The following ACY1 variants were observed in gnomAD, a reference collection of about 807,000 sequenced individuals.
The protein encoded by ACY1 is aminoacylase 1.
A neutral mutation model predicts 53.3 loss-of-function variants in ACY1; 38 were observed. The observed-to-expected ratio is 0.71, with a 90% confidence interval of 0.55 to 0.93. The LOEUF is 0.93. ACY1 is among the 40% of genes least tolerant of loss of function. The probability of loss-of-function intolerance (pLI) is 0.00; values close to 1 mark genes in which losing one functional copy is unlikely to be tolerated. For missense variants in ACY1, 484 were observed against 540.9 expected (o/e 0.89, Z 1.04); for synonymous variants, 177 against 202.1 (o/e 0.88, Z 1.05).
rs1183708563 is a variant in ACY1, at chr3:51,986,965, GCCTT to G, written c.584-20_584-17del. ...TCCAGCCCCTCAGGCTGAAGACACTGCCTTCCCCCTACACCTCCCCAGGGGTGCG... is the reference window on the plus strand; with the variant it reads ...TCCAGCCCCTCAGGCTGAAGACACTGCCCCCTACACCTCCCCAGGGGTGCG... On this transcript the variant is annotated intron_variant, in intron 8 of 14. Coordinates refer to ENST00000636358, the MANE Select transcript of ACY1 (RefSeq NM_000666.3). 2 of 1,610,974 alleles carry G rather than the reference GCCTT, an allele frequency of 1.2e-6. No individual in the cohort carries two copies. The highest frequency in any genetic ancestry group is 2.2e-5 in the South Asian group (2 of 90,966).
At chr3:51,987,259 G>A in intron 10 of ACY1, 50 bp from the exon 11 acceptor site, 1 of 1,614,074 alleles carries the variant, frequency 6.2e-7, no homozygotes, top group Non-Finnish European at 8.5e-7. Context: ...GATAGAGTCT[G>A]AGCCACCTCT....
rs779032802 is a variant in ACY1 at position 51,988,826 on chromosome 3, G to A, written c.1062G>A (p.Ala354=). 3.2e-5 allele frequency: 52 copies of A among 1,614,028 alleles called. 1 individual carries two copies. The highest frequency in any genetic ancestry group is 9.9e-5 in the South Asian group (9 of 91,088). The change falls in exon 14 of 15, where the codon GCG becomes GCA. Residue 354 remains alanine, a splice_region_variant and synonymous_variant. Coordinates refer to ENST00000636358, the MANE Select transcript of ACY1 (RefSeq NM_000666.3). ...CCACTGACAACCGCTATATCCGCGC[G>A]GTGAGCCACTTGCATATAGTGCCTG... ...PAATDNRYIR[A]VGVPALGFSP...
intron 12 of ACY1, 169 bp from the exon 13 acceptor site, chr3:51,988,355 T>C: frequency 1.4e-6 from 1 of 699,630 alleles, no homozygotes; most frequent in East Asian, 2.7e-5. Flanking sequence ...ACCTAGGACA[T>C]TTGAGGGGCT....
At position 51,988,541 on chromosome 3, in the gene ACY1, A is replaced by C. The variant is rs758501745; in HGVS notation, c.939A>C (p.Gln313His). 3.1e-6 allele frequency: 5 copies of C among 1,614,010 alleles called. No individual in the cohort carries two copies. The African/African-American group carries it at 6.7e-5, about 22-fold the overall frequency. The change falls in exon 13 of 15, where the codon CAA becomes CAC. Residue 313 changes from glutamine (Q) to histidine (H), a missense_variant. By Grantham distance (24) the Gln-to-His change is conservative. Transcript: ENST00000636358. ...LEFAQKWMHP[Q>H]VTPTDDSNPW... ...TCCCTCAGAAGTGGATGCACCCCCA[A>C]GTGACACCTACTGATGACTCAAACC...
Position 51,984,131 on chromosome 3 carries a change from C to T in ACY1, c.67C>T (p.Arg23Cys), listed in dbSNP as rs767528877. The change falls in exon 2 of 15, where the codon CGC (arginine) becomes TGC (cysteine). Residue 23 changes from arginine to cysteine, a missense_variant. Coordinates refer to ENST00000636358, the MANE Select transcript of ACY1 (RefSeq NM_000666.3). ...GCTCTTCCGCCAGTACCTGCGTATC[C>T]GCACTGTCCAGCCCAAGCCTGACTA... ...VTLFRQYLRI[R>C]TVQPKPDYGA... 1.2e-6 allele frequency: 2 copies of T among 1,613,980 alleles called. No individual in the cohort carries two copies. The highest frequency in any genetic ancestry group is 2.2e-5 in the East Asian group (1 of 44,888).
In ACY1 at chr3:51,987,642, G is replaced by T; in HGVS notation, c.921+18G>T. ...TTGCTCAGGTATGGACTTGGGACAT[G>T]TGATGGGAGAGTGTGGGAGCCGGGG... On this transcript the variant is annotated intron_variant, in intron 12 of 14. Transcript: ENST00000636358. 6.2e-7 allele frequency: 1 copy of T among 1,612,682 alleles called. No homozygotes were observed. Among genetic ancestry groups the T allele is most frequent in the Non-Finnish European group, 8.5e-7 (1 of 1,179,070 alleles).
Position 51,985,469 on chromosome 3 carries a change from TGTAAG to T in ACY1, c.264+6_264+10del. 6.2e-7 allele frequency: 1 copy of T among 1,613,602 alleles called. No individual in the cohort carries two copies. The highest frequency in any genetic ancestry group is 8.5e-7 in the Non-Finnish European group (1 of 1,179,868). ...GGATGTGGTGCCTGTCTTCAAGGTG[TGTAAG>T]GGGCTGGGGAGGTGGGCAGTGCAGG... On this transcript the variant is annotated splice_donor_5th_base_variant and intron_variant, in intron 4 of 14. Transcript: ENST00000636358.
chr3:51,988,727 C>T (rs1701161965), intron 13 of ACY1, 39 bp from the exon 14 acceptor site: 1 of 1,612,126 alleles, frequency 6.2e-7, no homozygotes, highest in South Asian at 1.1e-5. Context: ...CAATTCTTCG[C>T]TTTCTCCCTC....
chr3:51,986,791 C>A, intron 8 of ACY1, 130 bp downstream of exon 8: 1 of 1,325,298 alleles, frequency 7.5e-7, no homozygotes, highest in Non-Finnish European at 1.1e-6. Flanking sequence ...CCTCTACCTC[C>A]CAGCTCTTTC....
chr3:51,988,918 T>A lies in ACY1; in HGVS notation c.1070T>A (p.Val357Asp). The A allele has an allele frequency of 6.2e-7, 1 of 1,613,886 alleles. No homozygotes were observed. The highest frequency in any genetic ancestry group is 8.5e-7 in the Non-Finnish European group (1 of 1,179,992). Residue 357 changes from valine (V) to aspartate (D), a missense_variant, in exon 15 of 15, where the codon GTC becomes GAC. Transcript: ENST00000636358. The stretch of plus-strand genomic sequence containing the variant: ...TCTTCCTCACCCCTGCAGGTGGGGG[T>A]CCCAGCTCTAGGCTTCTCACCCATG... ...TDNRYIRAVG[V>D]PALGFSPMNR... is the part of the protein sequence containing the mutation.
chr3:51,988,887 A>C, intron 14 of ACY1, 24 bp from the exon 15 acceptor site: 2 of 1,614,056 alleles, frequency 1.2e-6, no homozygotes, highest in South Asian at 2.2e-5. Flanking sequence ...GCTTTTCCCT[A>C]ACGGCTCTTC....
intron 2 of ACY1, chr3:51,984,840 GA>G (rs1221979628): frequency 3.8e-3 from 810 of 210,896 alleles, no homozygotes; most frequent in East Asian, 9.1e-3. Flanking sequence ...AAAAGGAAAA[GA>G]AAAAAAAAAA....
rs545489719 is a variant in ACY1, at chr3:51,985,876, G to A, written c.289G>A (p.Glu97Lys). The A allele has an allele frequency of 6.2e-7, 1 of 1,613,738 alleles. No homozygotes were observed. Among genetic ancestry groups the A allele is most frequent in the South Asian group, 1.1e-5 (1 of 90,922 alleles). The change falls in exon 5 of 15, where the codon GAG becomes AAG. Residue 97 changes from glutamate (E) to lysine (K), a missense_variant. Coordinates refer to ENST00000636358, the MANE Select transcript of ACY1 (RefSeq NM_000666.3). ...FKEHWSHDPFEAFKDSEGYIY... is the reference protein window; with the variant it reads ...FKEHWSHDPFKAFKDSEGYIY... ...GGAACATTGGAGTCACGACCCCTTTGAGGCCTTCAAGGATTCTGAGGGCTA... is the reference window on the plus strand; with the variant it reads ...GGAACATTGGAGTCACGACCCCTTTAAGGCCTTCAAGGATTCTGAGGGCTA...
chr3:51,988,561 C>G lies in ACY1; in HGVS notation c.959C>G (p.Ser320Ter). Residue 320 changes from serine to a stop codon, truncating the protein, a stop_gained, in exon 13 of 15, where the codon TCA (serine) becomes TGA (stop). Transcript: ENST00000636358. LOFTEE classifies it high-confidence loss of function. ...MHPQVTPTDDSNPWWAAFSRV... is the reference protein window; with the variant it reads ...MHPQVTPTDD ...CCCCAAGTGACACCTACTGATGACT[C>G]AAACCCTTGGTGGGCAGCTTTTAGC... 6.2e-7 allele frequency: 1 copy of G among 1,614,216 alleles called. No homozygotes were observed. Among genetic ancestry groups the G allele is most frequent in the Non-Finnish European group, 8.5e-7 (1 of 1,180,036 alleles).
intron 12 of ACY1, chr3:51,988,144 G>T (rs1250064497): frequency 2.7e-6 from 1 of 363,688 alleles, no homozygotes; most frequent in Non-Finnish European, 5.3e-6. Context: ...GGGATTACAG[G>T]CATGAGCCAC....
chr3:51,986,535 A>G, intron 7 of ACY1, 31 bp downstream of exon 7: 1 of 1,614,062 alleles, frequency 6.2e-7, no homozygotes, highest in African/African-American at 1.3e-5. Context: ...ATGAGCAGCC[A>G]GGCAGGGAGT....
At chr3:51,984,193 G>T (rs999555243) in intron 2 of ACY1, 35 bp downstream of exon 2, 7 of 1,596,212 alleles carry the variant, frequency 4.4e-6, no homozygotes, top group Non-Finnish European at 5.2e-6. Flanking sequence ...CTGTGACGGG[G>T]CCTAAGGGAC....
At chr3:51,986,934 T>A in intron 8 of ACY1, 54 bp from the exon 9 acceptor site, 1 of 1,583,890 alleles carries the variant, frequency 6.3e-7, no homozygotes, top group Non-Finnish European at 8.6e-7. Flanking sequence ...CCAGGCTGAT[T>A]GTGTCTCCAG....
intron 1 of ACY1, among the ~76,000 whole-genome samples, chr3:51,983,823 G>GA (rs1700966697): frequency 1.3e-5 from 2 of 151,944 alleles, no homozygotes; most frequent in African/African-American, 4.8e-5. Flanking sequence ...TGGGCATTCT[G>GA]AGCACAAACT....
Sources: allele counts gnomAD v4.1 joint callset (sites outside exome capture counted in the v4.1 genomes callset), GRCh38; gene constraint gnomAD v4.1.1; transcripts MANE v1.5; gene names NCBI Gene and HGNC (gene_info 2026-07-23, HGNC 2026-07-21).